Variants in PDZD2 observed in about 807,000 individuals in gnomAD.
PDZD2 encodes the protein PDZ domain containing 2.
A neutral mutation model predicts 220.7 loss-of-function variants in PDZD2; 90 were observed. That is an observed-to-expected ratio of 0.41 (90% CI 0.34 to 0.49). The LOEUF is 0.49. PDZD2 is among the 20% of genes least tolerant of loss of function. The pLI is 0.28. For missense variants in PDZD2, 3,174 were observed against 3,608.5 expected (o/e 0.88, Z 3.08); for synonymous variants, 1,375 against 1,450.5 (o/e 0.95, Z 1.18).
In PDZD2 at chr5:31,799,120, TCTGC is replaced by T. The variant is rs1279639500; in HGVS notation, c.-127_-124del. ...TCTCGAGTAGGTGTCCCTAGGCTCA[TCTGC>T]CAGCCTGAACATGAACACAGGCAAA... is the stretch of plus-strand genomic sequence containing the variant. On this transcript the variant is annotated 5_prime_UTR_variant, in exon 2 of 25. Transcript: ENST00000438447. 6 of 632,052 alleles carry T rather than the reference TCTGC, an allele frequency of 9.5e-6. No homozygotes were observed. The highest frequency in any genetic ancestry group is 1.4e-5 in the Non-Finnish European group (5 of 361,250). The allele number at this position is 632,052 out of a possible 1,614,324, so 39.2% of individuals were successfully genotyped here.
intron 7 of PDZD2, among the ~76,000 whole-genome samples, chr5:32,048,113 A>G (rs1341455332): frequency 2.0e-5 from 3 of 152,220 alleles, no homozygotes; most frequent in Non-Finnish European, 4.4e-5. Context: ...ACTTTAATCA[A>G]AAGTTTATTT....
intron 1 of PDZD2, among the ~76,000 whole-genome samples, chr5:31,794,567 A>AT (rs1215629691): frequency 6.6e-6 from 1 of 151,328 alleles, no homozygotes; most frequent in African/African-American, 2.4e-5. Flanking sequence ...CTCCCGGCTA[A>AT]TTTTTTGTAT....
At chr5:31,929,566 A>C (rs906863761) in intron 2 of PDZD2, among the ~76,000 whole-genome samples, 1 of 152,172 alleles carries the variant, frequency 6.6e-6, no homozygotes, top group Non-Finnish European at 1.5e-5. Flanking sequence ...AGAGCAGTGG[A>C]AGGCCAGGCG....
intron 2 of PDZD2, among the ~76,000 whole-genome samples, chr5:31,896,556 T>C (rs894689890): frequency 6.6e-6 from 1 of 152,194 alleles, no homozygotes; most frequent in South Asian, 2.1e-4. Context: ...GGGCTGGATA[T>C]TAAATCCAGA....
At chr5:31,855,931 G>A (rs1218910188) in intron 2 of PDZD2, among the ~76,000 whole-genome samples, 10 of 152,160 alleles carry the variant, frequency 6.6e-5, no homozygotes, top group Non-Finnish European at 1.5e-4. Flanking sequence ...AGGGAAAGAA[G>A]GCGGTAACTA....
At chr5:31,813,120 G>C (rs975209255) in intron 2 of PDZD2, among the ~76,000 whole-genome samples, 18 of 152,058 alleles carry the variant, frequency 1.2e-4, no homozygotes, top group African/African-American at 4.3e-4. Flanking sequence ...AATACTTGAC[G>C]ACATCAGACC....
chr5:31,940,951 G>GC (rs147323064), intron 2 of PDZD2, among the ~76,000 whole-genome samples: 12,105 of 151,568 alleles, frequency 0.08, 498 homozygotes, highest in Middle Eastern at 0.1. Context: ...CCATCCCCAT[G>GC]CCCCCCCACC....
At chr5:31,983,720 A>G in intron 3 of PDZD2, 64 bp downstream of exon 3, 1 of 1,484,148 alleles carries the variant, frequency 6.7e-7, no homozygotes, top group Non-Finnish European at 9.2e-7. Flanking sequence ...TTGTTTTTGC[A>G]GCCCAGCCCA....
chr5:31,645,138 G>A (rs1348310902), intron 1 of PDZD2, among the ~76,000 whole-genome samples: 1 of 152,098 alleles, frequency 6.6e-6, no homozygotes, highest in Admixed American at 6.5e-5. Flanking sequence ...TCCTTGAAAG[G>A]GCATTATCCA....
intron 2 of PDZD2, among the ~76,000 whole-genome samples, chr5:31,927,777 A>C (rs1239457720): frequency 6.6e-6 from 1 of 152,060 alleles, no homozygotes; most frequent in Non-Finnish European, 1.5e-5. Flanking sequence ...TTTTCAATGG[A>C]CCTAATAGTC....
At chr5:32,106,853 G>A (rs1581515120) in intron 24 of PDZD2, among the ~76,000 whole-genome samples, 1 of 152,134 alleles carries the variant, frequency 6.6e-6, no homozygotes, top group Admixed American at 6.5e-5. Flanking sequence ...ATTTTCCTGG[G>A]GCCCACTACA....
At chr5:31,684,357 C>G (rs1746767301) in intron 1 of PDZD2, among the ~76,000 whole-genome samples, 1 of 152,042 alleles carries the variant, frequency 6.6e-6, no homozygotes, top group African/African-American at 2.4e-5. Context: ...ATCCTGGATT[C>G]CTTTCTTTTT....
chr5:32,011,540 C>T (rs942139346), intron 6 of PDZD2, among the ~76,000 whole-genome samples: 3 of 151,930 alleles, frequency 2.0e-5, no homozygotes, highest in Non-Finnish European at 4.4e-5. Context: ...CTCTTCTTTG[C>T]GTCCCAAATC....
At chr5:31,840,560 G>A (rs1489017076) in intron 2 of PDZD2, 3 of 676,252 alleles carry the variant, frequency 4.4e-6, no homozygotes, top group Admixed American at 2.0e-5. Flanking sequence ...CTCACAAAAT[G>A]TGCTTCTCTG....
At chr5:32,105,209 AAGAG>A (rs1744652403) in intron 24 of PDZD2, among the ~76,000 whole-genome samples, 1 of 152,216 alleles carries the variant, frequency 6.6e-6, no homozygotes, top group Non-Finnish European at 1.5e-5. Flanking sequence ...AGAAAAATAC[AAGAG>A]AGAAAGTTTG....
intron 1 of PDZD2, among the ~76,000 whole-genome samples, chr5:31,651,685 G>A (rs957160514): frequency 1.2e-4 from 18 of 152,212 alleles, no homozygotes; most frequent in Middle Eastern, 3.4e-3. Context: ...AGGCTGGAGT[G>A]CAGTGGCATG....
rs12186418 is a variant in PDZD2 at position 31,898,484 on chromosome 5, T to G, written c.477-84671T>G. Reference sequence around the variant, plus strand: ...TCAGGGATTTGGTGCAGAAAGCTTTTCTGACAGCTGCTCTACTGCCTTTTC... The same window carrying G: ...TCAGGGATTTGGTGCAGAAAGCTTTGCTGACAGCTGCTCTACTGCCTTTTC... On this transcript the variant is annotated intron_variant, in intron 2 of 24. Transcript: ENST00000438447. 2.7e-3 allele frequency among the ~76,000 whole-genome samples: 409 copies of G among 152,142 alleles called. 2 individuals carry two copies. The highest frequency in any genetic ancestry group is 9.5e-3 in the African/African-American group (395 of 41,510).
intron 1 of PDZD2, among the ~76,000 whole-genome samples, chr5:31,687,858 T>A (rs529374097): frequency 1.5e-3 from 234 of 152,320 alleles, no homozygotes; most frequent in African/African-American, 5.4e-3. Context: ...CCCACTCTCA[T>A]GACCTCATTT....
At chr5:31,872,618 T>C (rs1355509224) in intron 2 of PDZD2, among the ~76,000 whole-genome samples, 1 of 152,220 alleles carries the variant, frequency 6.6e-6, no homozygotes, top group African/African-American at 2.4e-5. Flanking sequence ...TTCTGCCCTT[T>C]ACATTGTTAC....
Sources: gnomAD v4.1 joint callset for allele counts (sites outside exome capture counted in the v4.1 genomes callset) on GRCh38, gnomAD v4.1.1 for gene constraint, MANE v1.5 for transcripts, NCBI Gene and HGNC (gene_info 2026-07-23, HGNC 2026-07-21) for gene names.